Variants in DST observed in about 807,000 individuals in gnomAD.
DST encodes dystonin, also known as bullous pemphigoid antigen.
In DST, 253 loss-of-function variants were observed where a neutral mutation model predicts 875.2. The observed-to-expected ratio is 0.29, with a 90% CI of 0.26 to 0.32. The LOEUF is 0.32. Ranked by LOEUF, DST falls within the 10% of genes least tolerant of loss-of-function variation. DST has a pLI of 1.00. For synonymous variants in DST, 3,124 were observed against 3,197.1 expected (o/e 0.98, Z 0.77); for missense variants, 8,287 against 9,111.6 (o/e 0.91, Z 3.68).
chr6:56,864,526 G>A (rs1772981334), intron 3 of DST, among the ~76,000 whole-genome samples: 1 of 144,080 alleles, frequency 6.9e-6, no homozygotes, highest in Admixed American at 6.7e-5. Flanking sequence ...TCACCAAGCT[G>A]AGTTAGGAAG....
intron 4 of DST, among the ~76,000 whole-genome samples, chr6:56,838,383 C>T (rs1265446983): frequency 6.6e-6 from 1 of 152,188 alleles, no homozygotes. Flanking sequence ...GAGCCAGGAT[C>T]CTGAGGCACA....
At position 56,639,366 on chromosome 6, in the gene DST, T is replaced by G; in HGVS notation, c.2860-3A>C. 1 of 1,612,466 alleles carries G rather than the reference T, an allele frequency of 6.2e-7. No individual in the cohort carries two copies. The highest frequency in any genetic ancestry group is 2.2e-5 in the East Asian group (1 of 44,830). Reference sequence around the variant, plus strand: ...TGATCAAGTTCTCTCATTAATTCCTTCAAGAAATAATTAAGAAGTGTGTTA... The same window carrying G: ...TGATCAAGTTCTCTCATTAATTCCTGCAAGAAATAATTAAGAAGTGTGTTA... On this transcript the variant is annotated splice_region_variant and splice_polypyrimidine_tract_variant and intron_variant, in intron 21 of 103. Coordinates refer to ENST00000680361, the MANE Select transcript of DST (RefSeq NM_001374736.1).
At chr6:56,619,956 T>G in intron 36 of DST, 1 of 1,614,172 alleles carries the variant, frequency 6.2e-7, no homozygotes, top group Non-Finnish European at 8.5e-7. Context: ...TCTTCTGCTT[T>G]CTGCTTGTCA....
In DST at chr6:56,567,534, A is replaced by T. The variant is rs1465073065; in HGVS notation, c.14005+935T>A. ...GGACATGAAGAGCTAAAATAAATAA[A>T]GCACAGTAGAATTCCTCTTCTTAAA... On this transcript the variant is annotated intron_variant, in intron 55 of 103. Transcript: ENST00000680361. 2.0e-5 allele frequency among the ~76,000 whole-genome samples: 3 copies of T among 152,108 alleles called. No individual in the cohort carries two copies. In the East Asian group the frequency reaches 5.8e-4, roughly 29 times the overall value.
At chr6:56,851,039 T>G (rs1257183396) in intron 4 of DST, 2 of 242,090 alleles carry the variant, frequency 8.3e-6, no homozygotes, top group East Asian at 8.6e-5. Flanking sequence ...GCTGCTCACT[T>G]CCAGCTTCCC....
At chr6:56,521,242 T>C (rs2096693744) in intron 69 of DST, among the ~76,000 whole-genome samples, 1 of 151,944 alleles carries the variant, frequency 6.6e-6, no homozygotes, top group Non-Finnish European at 1.5e-5. Flanking sequence ...ATTTAAAGAA[T>C]ATAAGACTGA....
At chr6:56,631,852 G>GT in intron 29 of DST, 31 bp downstream of exon 29, 1 of 1,608,280 alleles carries the variant, frequency 6.2e-7, no homozygotes, top group Non-Finnish European at 8.5e-7. Context: ...AAGAGAGTTA[G>GT]TTTTTTTCCC....
intron 69 of DST, among the ~76,000 whole-genome samples, chr6:56,525,128 A>G (rs1303621292): frequency 6.6e-6 from 1 of 152,148 alleles, no homozygotes; most frequent in East Asian, 1.9e-4. Flanking sequence ...CCAGCCAACC[A>G]CAGTCAACTT....
intron 5 of DST, among the ~76,000 whole-genome samples, chr6:56,706,411 T>C (rs2099337817): frequency 6.6e-6 from 1 of 152,156 alleles, no homozygotes; most frequent in Non-Finnish European, 1.5e-5. Flanking sequence ...TACCTTGAGA[T>C]ACCATGAAAT....
chr6:56,553,208 C>A lies in DST; in HGVS notation c.15584G>T (p.Cys5195Phe). The A allele has an allele frequency of 6.2e-7, 1 of 1,613,928 alleles. No individual in the cohort carries two copies. Among genetic ancestry groups the A allele is most frequent in the Non-Finnish European group, 8.5e-7 (1 of 1,179,896 alleles). The part of the protein sequence containing the change: ...CQNNLEEIKF[C>F]LDPAEGENSI... ...ATTCTCTCCTTCAGCAGGATCCAAG[C>A]AAAATTTTATTTCCTCCAGGTTGTT... The change falls in exon 61 of 104, where the codon TGC becomes TTC. Residue 5195 changes from cysteine (C) to phenylalanine (F), a missense_variant. Transcript: ENST00000680361.
rs755637873 is a variant in DST, at chr6:56,661,559, T to C, written c.1214+9082A>G. Among the ~76,000 whole-genome samples the C allele has an allele frequency of 3.3e-5, 5 of 151,704 alleles. No homozygotes were observed. In the South Asian group the frequency reaches 1.0e-3, roughly 32 times the overall value. On this transcript the variant is annotated intron_variant, in intron 10 of 103. Transcript: ENST00000680361. ...TCTAGGAGAGTGATAGGCACTCTCA[T>C]AAGCTAACTCAAGACAGCCCCACTC... is the stretch of plus-strand genomic sequence containing the variant.
chr6:56,624,549 T>G lies in DST; in HGVS notation c.4910A>C (p.Lys1637Thr). The change falls in exon 36 of 104, where the codon AAG (lysine) becomes ACG (threonine). Residue 1637 changes from lysine to threonine, a missense_variant. Physicochemically the swap from Lys to Thr is moderately conservative, Grantham distance 78 (BLOSUM62 -1). Transcript: ENST00000680361. Reference protein sequence around the residue: ...QYIKFAGDSLKRLEEEEKSLE... With the variant: ...QYIKFAGDSLTRLEEEEKSLE... ...GATTACCTCCTCCTCTTCCAGCCTC[T>G]TCAATGAATCACCAGCAAATTTAAT... is the stretch of plus-strand genomic sequence containing the variant. 1 of 1,612,586 alleles carries G rather than the reference T, an allele frequency of 6.2e-7. No individual in the cohort carries two copies. Among genetic ancestry groups the G allele is most frequent in the South Asian group, 1.1e-5 (1 of 91,046 alleles).
chr6:56,893,188 T>G (rs1788453459), intron 3 of DST, among the ~76,000 whole-genome samples: 1 of 152,186 alleles, frequency 6.6e-6, no homozygotes, highest in Non-Finnish European at 1.5e-5. Flanking sequence ...CACAGTCCAT[T>G]TTATCATTCT....
chr6:56,908,086 CAT>C (rs928715522), intron 2 of DST, among the ~76,000 whole-genome samples: 9 of 147,846 alleles, frequency 6.1e-5, no homozygotes, highest in South Asian at 4.2e-4. Context: ...AAAGAAAATA[CAT>C]ATATATATAT....
At chr6:56,940,628 GGAGTGCA>G (rs1816052333) in intron 2 of DST, among the ~76,000 whole-genome samples, 1 of 151,800 alleles carries the variant, frequency 6.6e-6, no homozygotes, top group African/African-American at 2.4e-5. Context: ...CACCCAGGGC[GGAGTGCA>G]GTGGCGCAAT....
chr6:56,798,883 T>G (rs1022404509), intron 4 of DST, among the ~76,000 whole-genome samples: 2 of 152,120 alleles, frequency 1.3e-5, no homozygotes, highest in African/African-American at 4.8e-5. Context: ...CTTTGAAGGG[T>G]TGAGGACTTC....
Position 56,608,901 on chromosome 6 carries a change from T to C in DST, c.5727A>G (p.Lys1909=). 1 of 1,613,764 alleles carries C rather than the reference T, an allele frequency of 6.2e-7. No homozygotes were observed. Among genetic ancestry groups the C allele is most frequent in the Non-Finnish European group, 8.5e-7 (1 of 1,179,794 alleles). ...QNLVSSALFS[K]VLERQNMCKD... The stretch of plus-strand genomic sequence containing the variant: ...TGCACATATTTTGCCTTTCCAGAAC[T>C]TTAGAAAATAATGCTGAGGAAACCA... Residue 1909 remains lysine (K), a synonymous_variant, in exon 40 of 104, where the codon AAA becomes AAG. Transcript: ENST00000680361.
At chr6:56,686,834 A>G (rs896723399) in intron 9 of DST, among the ~76,000 whole-genome samples, 2 of 152,264 alleles carry the variant, frequency 1.3e-5, no homozygotes, top group African/African-American at 4.8e-5. Flanking sequence ...CAGAAACAGA[A>G]GACAAAAGGA....
In DST at chr6:56,936,330, A is replaced by AT. The variant is rs1186419253; in HGVS notation, c.216+17454_216+17455insA. Among the ~76,000 whole-genome samples, 4 of 152,228 alleles carry AT rather than the reference A, an allele frequency of 2.6e-5. No homozygotes were observed. In the East Asian group the frequency reaches 7.7e-4, roughly 29 times the overall value. On this transcript the variant is annotated intron_variant, in intron 2 of 103. Coordinates refer to ENST00000680361, the MANE Select transcript of DST (RefSeq NM_001374736.1). ...AGGATTCTGAAACGTAAACAGCAGCAGGCCAATTGAAGTAAAAAGGCCAAA... is the reference window on the plus strand; with the variant it reads ...AGGATTCTGAAACGTAAACAGCAGCATGGCCAATTGAAGTAAAAAGGCCAAA...
Sources: allele counts gnomAD v4.1 joint callset (sites outside exome capture counted in the v4.1 genomes callset), GRCh38; gene constraint gnomAD v4.1.1; transcripts MANE v1.5; gene names NCBI Gene and HGNC (gene_info 2026-07-23, HGNC 2026-07-21).